Variants in PRKN observed in about 807,000 individuals in gnomAD.
The protein encoded by PRKN is E3 ubiquitin-protein ligase parkin.
Under a neutral mutation model 59.5 loss-of-function variants are expected in PRKN, and 56 were observed. The observed-to-expected ratio is 0.94, with a 90% CI of 0.76 to 1.18. The LOEUF (loss-of-function observed/expected upper bound fraction) is 1.18. PRKN is among the 50% of genes most tolerant of loss of function. The probability of loss-of-function intolerance (pLI) is 0.00; values close to 1 mark genes in which losing one functional copy is unlikely to be tolerated. For synonymous variants in PRKN, 250 were observed against 222.1 expected (o/e 1.13, Z -1.12); for missense variants, 657 against 596.4 (o/e 1.10, Z -1.06).
At chr6:162,468,817 CATT>C (rs529773136) in intron 1 of PRKN, among the ~76,000 whole-genome samples, 23 of 152,138 alleles carry the variant, frequency 1.5e-4, no homozygotes, top group Non-Finnish European at 3.1e-4. Flanking sequence ...GTACCATTGA[CATT>C]ATTTTTAAAT....
chr6:162,573,018 C>T (rs1430807865), intron 1 of PRKN, among the ~76,000 whole-genome samples: 2 of 152,290 alleles, frequency 1.3e-5, no homozygotes, highest in East Asian at 1.9e-4. Flanking sequence ...GCCAGACATA[C>T]AGAATATCTT....
At chr6:162,225,706 G>A (rs181494336) in intron 3 of PRKN, among the ~76,000 whole-genome samples, 48 of 152,056 alleles carry the variant, frequency 3.2e-4, no homozygotes, top group South Asian at 1.0e-3. Flanking sequence ...TTTGACCAAA[G>A]ATTTTGTTGT....
chr6:161,906,503 G>C (rs111701970), intron 6 of PRKN, among the ~76,000 whole-genome samples: 18 of 151,982 alleles, frequency 1.2e-4, no homozygotes, highest in African/African-American at 4.1e-4. Flanking sequence ...ACTCGACTCT[G>C]GGACTCCATC....
rs1166884519 is a variant in PRKN at position 161,561,025 on chromosome 6, A to G, written c.933+8330T>C. The stretch of plus-strand genomic sequence containing the variant: ...CAATGGCACGATGACTTTCTCTTAA[A>G]TAATGGACCACAAACTTCAAATGGG... On this transcript the variant is annotated intron_variant, in intron 8 of 11. Transcript: ENST00000366898. This position sits in a 1 kb window ranked among gnomAD's most constrained non-coding sequence, Gnocchi z 5.0. 1.3e-5 allele frequency among the ~76,000 whole-genome samples: 2 copies of G among 152,204 alleles called. No individual in the cohort carries two copies. Among genetic ancestry groups the G allele is most frequent in the Non-Finnish European group, 2.9e-5 (2 of 68,038 alleles).
chr6:161,835,610 T>G (rs1413307401), intron 6 of PRKN, among the ~76,000 whole-genome samples: 1 of 152,154 alleles, frequency 6.6e-6, no homozygotes, highest in Non-Finnish European at 1.5e-5. Context: ...CCCATGCGTT[T>G]CCACGCCGGG....
chr6:162,701,302 G>A (rs1476472998), intron 1 of PRKN, among the ~76,000 whole-genome samples: 1 of 152,060 alleles, frequency 6.6e-6, no homozygotes. Flanking sequence ...AGGGACTTCT[G>A]TAAAAGACCT....
At chr6:162,681,794 G>C (rs1779779111) in intron 1 of PRKN, among the ~76,000 whole-genome samples, 1 of 151,926 alleles carries the variant, frequency 6.6e-6, no homozygotes, top group Non-Finnish European at 1.5e-5. Context: ...ACCTCTAGGG[G>C]GTATTTGGAC....
At chr6:162,104,405 A>G (rs1340209706) in intron 4 of PRKN, among the ~76,000 whole-genome samples, 1 of 152,208 alleles carries the variant, frequency 6.6e-6, no homozygotes, top group Non-Finnish European at 1.5e-5. Context: ...GGCCACACAT[A>G]TTAATAAACA....
intron 2 of PRKN, among the ~76,000 whole-genome samples, chr6:162,390,208 C>T (rs1019072808): frequency 2.0e-5 from 3 of 151,780 alleles, no homozygotes; most frequent in South Asian, 2.1e-4. Flanking sequence ...TTCACTCTTT[C>T]GTTAACTGCT....
rs150634892 is a variant in PRKN at position 161,863,674 on chromosome 6, G to A, written c.735-77766C>T. ...AAGAATGAAAATCTCTACACTTCCC[G>A]CCTCTACTCCAGGTGGAAAGTCACA... On this transcript the variant is annotated intron_variant, in intron 6 of 11. Transcript: ENST00000366898. 2.6e-5 allele frequency among the ~76,000 whole-genome samples: 4 copies of A among 152,212 alleles called. No homozygotes were observed. In the East Asian group the frequency reaches 5.8e-4, roughly 22 times the overall value.
At chr6:162,439,909 T>A (rs1466817053) in intron 2 of PRKN, among the ~76,000 whole-genome samples, 1 of 152,166 alleles carries the variant, frequency 6.6e-6, no homozygotes, top group Admixed American at 6.5e-5. Context: ...AGCAGACTAC[T>A]GGTAAAGTGT....
At chr6:162,416,505 G>T (rs1329997844) in intron 2 of PRKN, among the ~76,000 whole-genome samples, 1 of 152,176 alleles carries the variant, frequency 6.6e-6, no homozygotes, top group Non-Finnish European at 1.5e-5. Context: ...ACAAGTTGCT[G>T]AGTAAGTATA....
At chr6:161,614,215 G>A (rs1391098465) in intron 7 of PRKN, among the ~76,000 whole-genome samples, 2 of 152,196 alleles carry the variant, frequency 1.3e-5, no homozygotes, top group South Asian at 2.1e-4. Flanking sequence ...TTTGAGGTCT[G>A]TGACCTTTAT....
chr6:161,951,394 C>T (rs562580254), intron 6 of PRKN, among the ~76,000 whole-genome samples: 1 of 152,136 alleles, frequency 6.6e-6, no homozygotes, highest in Non-Finnish European at 1.5e-5. Flanking sequence ...ACCTTCTTCT[C>T]TCTTTAGCCA....
chr6:161,834,763 C>T (rs9458395), intron 6 of PRKN, among the ~76,000 whole-genome samples: 4,158 of 152,334 alleles, frequency 0.027, 204 homozygotes, highest in African/African-American at 0.096. Flanking sequence ...ATGCTACACA[C>T]GCCCTGGCTC....
intron 9 of PRKN, among the ~76,000 whole-genome samples, chr6:161,510,101 G>A (rs992700037): frequency 7.9e-5 from 12 of 152,136 alleles, no homozygotes; most frequent in East Asian, 5.8e-4. Context: ...CATATGCATC[G>A]TTGAGAGGCA....
At chr6:161,693,084 T>G (rs1464335744) in intron 7 of PRKN, among the ~76,000 whole-genome samples, 1 of 151,838 alleles carries the variant, frequency 6.6e-6, no homozygotes, top group Non-Finnish European at 1.5e-5. Flanking sequence ...TTTCTGATCA[T>G]AAAAATAGAT....
At chr6:161,692,744 A>AAAACAAACAAAAC (rs1785849527) in intron 7 of PRKN, among the ~76,000 whole-genome samples, 2 of 152,098 alleles carry the variant, frequency 1.3e-5, no homozygotes. Context: ...GTCTGCTATA[A>AAAACAAACAAAAC]AAACAAACAA....
chr6:161,572,799 T>C (rs1032373763), intron 7 of PRKN, among the ~76,000 whole-genome samples: 1 of 152,228 alleles, frequency 6.6e-6, no homozygotes, highest in Non-Finnish European at 1.5e-5. Flanking sequence ...ATGCTTGAGC[T>C]GAGTGCTTCT....
Sources: allele counts gnomAD v4.1 joint callset (sites outside exome capture counted in the v4.1 genomes callset), GRCh38; gene constraint gnomAD v4.1.1; non-coding constraint Gnocchi (gnomAD v3.1); transcripts MANE v1.5; gene names NCBI Gene and HGNC (gene_info 2026-07-23, HGNC 2026-07-21).